Variants in SLC7A5 observed in about 807,000 individuals in gnomAD.
SLC7A5 encodes large neutral amino acids transporter small subunit 1.
Under a neutral mutation model 50.2 loss-of-function variants are expected in SLC7A5, and 23 were observed. The observed-to-expected ratio is 0.46, with a 90% CI of 0.33 to 0.65. The LOEUF is 0.65. SLC7A5 is among the 30% of genes least tolerant of loss of function. The pLI is 0.02. For synonymous variants in SLC7A5, 393 were observed against 330.6 expected (o/e 1.19, Z -2.05); for missense variants, 578 against 684.4 (o/e 0.84, Z 1.73).
intron 2 of SLC7A5, among the ~76,000 whole-genome samples, chr16:87,844,122 C>T (rs910343534): frequency 6.6e-6 from 1 of 150,712 alleles, no homozygotes; most frequent in Non-Finnish European, 1.5e-5. Context: ...TGACATCTGC[C>T]AGAGCCCACA....
In SLC7A5 at chr16:87,844,985, C is replaced by A. The variant is rs559340500; in HGVS notation, c.665-3830G>T. Among the ~76,000 whole-genome samples the A allele has an allele frequency of 5.9e-5, 9 of 152,350 alleles. No individual in the cohort carries two copies. The South Asian group carries it at 1.9e-3, about 32-fold the overall frequency. On this transcript the variant is annotated intron_variant, in intron 2 of 9. Coordinates refer to ENST00000261622, the MANE Select transcript of SLC7A5 (RefSeq NM_003486.7). ...TAAGGCCGACGACAAGTGTCCTCAG[C>A]GACACAGAGACAGATCCAGGGGAGA...
At chr16:87,855,673 A>C (rs898754818) in intron 1 of SLC7A5, among the ~76,000 whole-genome samples, 2 of 151,850 alleles carry the variant, frequency 1.3e-5, no homozygotes, top group Admixed American at 1.3e-4. Context: ...CTCCTGATAA[A>C]ATCCCGCTAC....
chr16:87,850,493 G>A (rs866517471), intron 2 of SLC7A5, among the ~76,000 whole-genome samples: 15 of 152,202 alleles, frequency 9.9e-5, no homozygotes, highest in African/African-American at 3.4e-4. Context: ...CGGTGACTGC[G>A]AGTCACCAGA....
intron 1 of SLC7A5, among the ~76,000 whole-genome samples, chr16:87,855,895 G>C (rs2055311941): frequency 6.6e-6 from 1 of 152,166 alleles, no homozygotes. Flanking sequence ...TCCGTGGATA[G>C]GGTTCAGGGT....
chr16:87,836,740 G>GACA, intron 7 of SLC7A5, 93 bp from the exon 8 acceptor site: 1 of 1,392,438 alleles, frequency 7.2e-7, no homozygotes, highest in Non-Finnish European at 1.0e-6. Flanking sequence ...AGCCTGGCTG[G>GACA]GCCCAGCTGA....
Position 87,832,967 on chromosome 16 carries a change from T to C in SLC7A5, c.*3A>G. The C allele has an allele frequency of 6.2e-7, 1 of 1,613,388 alleles. No homozygotes were observed. The highest frequency in any genetic ancestry group is 8.5e-7 in the Non-Finnish European group (1 of 1,179,494). On this transcript the variant is annotated 3_prime_UTR_variant, in exon 10 of 10. Coordinates refer to ENST00000261622, the MANE Select transcript of SLC7A5 (RefSeq NM_003486.7). The surrounding 1 kb of genome is among the most constrained non-coding windows in gnomAD (Gnocchi z 4.6). ...CTCCTCCGGCAGCCACTCGGCCTCC[T>C]GGCTATGTCTCCTGGGGGACCACCT...
At chr16:87,865,231 C>T (rs1177142483) in intron 1 of SLC7A5, among the ~76,000 whole-genome samples, 1 of 152,074 alleles carries the variant, frequency 6.6e-6, no homozygotes, top group Non-Finnish European at 1.5e-5. Context: ...ACATACTCAC[C>T]ACACACACAG....
chr16:87,866,047 C>T (rs1297545756), intron 1 of SLC7A5, among the ~76,000 whole-genome samples: 2 of 152,162 alleles, frequency 1.3e-5, no homozygotes, highest in Non-Finnish European at 2.9e-5. Context: ...ATACCCTTTT[C>T]CCATTTGCAC....
chr16:87,863,986 A>AAAAAAAAATATATATAT (rs376938738), intron 1 of SLC7A5, among the ~76,000 whole-genome samples: 15 of 83,278 alleles, frequency 1.8e-4, no homozygotes, highest in African/African-American at 5.4e-4. Flanking sequence ...ATCATTTAAA[A>AAAAAAAAATATATATAT]ATATATATAT....
At position 87,852,667 on chromosome 16, in the gene SLC7A5, T is replaced by TGC. The variant is rs2055250253; in HGVS notation, c.539-819_539-818insGC. On this transcript the variant is annotated intron_variant, in intron 1 of 9. Transcript: ENST00000261622. The surrounding 1 kb of genome is among the most constrained non-coding windows in gnomAD (Gnocchi z 4.5). ...GTGTGTGTGTGTGTGTGTGTGTGTG[T>TGC]GTGTGTGTGTGTGTGTGTGTTGGGG... 6.7e-6 allele frequency among the ~76,000 whole-genome samples: 1 copy of TGC among 150,054 alleles called. No homozygotes were observed. Among genetic ancestry groups the TGC allele is most frequent in the Non-Finnish European group, 1.5e-5 (1 of 67,518 alleles).
rs775442665 is a variant in SLC7A5, at chr16:87,851,745, C to T, written c.643G>A (p.Gly215Ser). The T allele has an allele frequency of 1.6e-5, 26 of 1,612,990 alleles. No homozygotes were observed. The South Asian group carries it at 2.7e-4, about 17-fold the overall frequency. ...TCACCCTTCCCGATCTGGACGAAGC[C>T]CAGCAGGATGATCAGGGCCAGGGCC... ...LLALALIILL[G>S]FVQIGKGDVS... Residue 215 changes from glycine (G) to serine (S), a missense_variant, in exon 2 of 10, where the codon GGC (glycine) becomes AGC (serine). Transcript: ENST00000261622.
At chr16:87,855,477 CCCA>C (rs972898392) in intron 1 of SLC7A5, among the ~76,000 whole-genome samples, 5 of 152,248 alleles carry the variant, frequency 3.3e-5, no homozygotes, top group Admixed American at 2.6e-4. Context: ...GCACAGCACC[CCCA>C]CAACTTGTAA....
chr16:87,831,595 T>A lies in SLC7A5; in HGVS notation c.*1375A>T, dbSNP rs55936694. The A allele has an allele frequency of 0.084, 12,814 of 152,252 alleles. 676 individuals are homozygous for A. The highest frequency in any genetic ancestry group is 0.2 in the South Asian group (957 of 4,822). 9.4% of individuals were successfully genotyped at this position (152,252 alleles called of 1,614,324 possible). The stretch of plus-strand genomic sequence containing the variant: ...TGACGCTGGACCACTTGGCTCCACC[T>A]CTGGCTGGGGAGAAGGGAAGCCCGG... On this transcript the variant is annotated 3_prime_UTR_variant, in exon 10 of 10. Transcript: ENST00000261622.
At chr16:87,836,766 G>T in intron 7 of SLC7A5, 119 bp from the exon 8 acceptor site, 2 of 998,212 alleles carry the variant, frequency 2.0e-6, no homozygotes, top group African/African-American at 1.6e-5. Context: ...AGGGAATTTT[G>T]TTTTAAAGGA....
chr16:87,864,247 G>A (rs1237553121), intron 1 of SLC7A5, among the ~76,000 whole-genome samples: 74 of 151,634 alleles, frequency 4.9e-4, no homozygotes, highest in Middle Eastern at 3.4e-3. Context: ...AGCCGAGATC[G>A]TGCCATTGCA....
intron 2 of SLC7A5, among the ~76,000 whole-genome samples, chr16:87,844,735 GGGACAAGAGA>G (rs1243602071): frequency 6.6e-6 from 1 of 152,246 alleles, no homozygotes; most frequent in Non-Finnish European, 1.5e-5. Context: ...AAACACCTCA[GGGACAAGAGA>G]GTCACTCCTC....
At chr16:87,868,055 G>A (rs192155592) in intron 1 of SLC7A5, among the ~76,000 whole-genome samples, 17 of 150,852 alleles carry the variant, frequency 1.1e-4, no homozygotes, top group Non-Finnish European at 4.4e-5. Flanking sequence ...AGGCGGGCTT[G>A]CGGTGAGCCG....
At position 87,839,826 on chromosome 16, in the gene SLC7A5, C is replaced by CTGGAAAGAACAGGGACGACA. The variant is rs750215938; in HGVS notation, c.816-21_816-2dup. ...GATGATGATGGCCAGGGGCAGGTTT[C>CTGGAAAGAACAGGGACGACA]TGGAAAGAACAGGGACGACATGTCA... On this transcript the variant is annotated splice_acceptor_variant, in intron 4 of 9. Coordinates refer to ENST00000261622, the MANE Select transcript of SLC7A5 (RefSeq NM_003486.7). LOFTEE classifies it high-confidence loss of function. The CTGGAAAGAACAGGGACGACA allele has an allele frequency of 1.2e-6, 2 of 1,613,718 alleles. No homozygotes were observed. The highest frequency in any genetic ancestry group is 1.7e-6 in the Non-Finnish European group (2 of 1,179,948).
At chr16:87,844,858 T>C (rs1331992198) in intron 2 of SLC7A5, among the ~76,000 whole-genome samples, 1 of 152,218 alleles carries the variant, frequency 6.6e-6, no homozygotes, top group Non-Finnish European at 1.5e-5. Context: ...AAAATTCACG[T>C]CCAGTGGAGC....
Sources: allele counts gnomAD v4.1 joint callset (sites outside exome capture counted in the v4.1 genomes callset), GRCh38; gene constraint gnomAD v4.1.1; non-coding constraint Gnocchi (gnomAD v3.1); transcripts MANE v1.5; gene names NCBI Gene and HGNC (gene_info 2026-07-23, HGNC 2026-07-21).